Variants in NCAM2 observed in about 807,000 individuals in gnomAD.
The protein encoded by NCAM2 is neural cell adhesion molecule 2.
Under a neutral mutation model 98.1 loss-of-function variants are expected in NCAM2, and 30 were observed. That is an observed-to-expected ratio of 0.31 (90% CI 0.23 to 0.41). The LOEUF is 0.41. Among genes scored for constraint, NCAM2 ranks in the 10% least tolerant of loss-of-function variants. The pLI, the probability that NCAM2 is intolerant of heterozygous loss-of-function variation, is 1.00. For synonymous variants in NCAM2, 368 were observed against 342.4 expected (o/e 1.07, Z -0.83); for missense variants, 867 against 1,005.8 (o/e 0.86, Z 1.87).
chr21:21,415,630 C>G (rs1424276287), intron 10 of NCAM2, among the ~76,000 whole-genome samples: 1 of 152,134 alleles, frequency 6.6e-6, no homozygotes, highest in East Asian at 1.9e-4. Flanking sequence ...CCACCTCGCC[C>G]GGCCCTTAGC....
At chr21:21,500,785 G>A (rs376204838) in intron 15 of NCAM2, among the ~76,000 whole-genome samples, 7 of 152,020 alleles carry the variant, frequency 4.6e-5, no homozygotes, top group African/African-American at 1.7e-4. Flanking sequence ...AACATGTAAG[G>A]TCTTCCCTGT....
At chr21:21,463,994 A>C (rs1474817849) in intron 12 of NCAM2, among the ~76,000 whole-genome samples, 1 of 151,990 alleles carries the variant, frequency 6.6e-6, no homozygotes, top group Non-Finnish European at 1.5e-5. Context: ...ACAAAGATGA[A>C]GAAATCATAT....
intron 3 of NCAM2, 124 bp downstream of exon 3, chr21:21,284,524 T>G (rs1172230715): frequency 4.1e-6 from 3 of 739,114 alleles, no homozygotes; most frequent in East Asian, 5.4e-5. Context: ...ATCAGTTTAT[T>G]TATGCTTTAC....
At chr21:21,087,713 T>C (rs1309864303) in intron 1 of NCAM2, among the ~76,000 whole-genome samples, 3 of 152,096 alleles carry the variant, frequency 2.0e-5, no homozygotes, top group Non-Finnish European at 2.9e-5. Context: ...GAGGAAATGG[T>C]GGCTTATTGC....
At position 21,359,628 on chromosome 21, in the gene NCAM2, G is replaced by A. The variant is rs1022868452; in HGVS notation, c.1045-14235G>A. On this transcript the variant is annotated intron_variant, in intron 8 of 17. Transcript: ENST00000400546. ...TACAATTTTATGATAGTTGTTTGGG[G>A]GAAAATGTTATTTATATACTAAAAG... 7.3e-5 allele frequency among the ~76,000 whole-genome samples: 11 copies of A among 151,680 alleles called. No homozygotes were observed. In the East Asian group the frequency reaches 2.1e-3, roughly 29 times the overall value.
intron 1 of NCAM2, among the ~76,000 whole-genome samples, chr21:21,038,658 C>T (rs1249162832): frequency 3.3e-5 from 5 of 152,200 alleles, no homozygotes; most frequent in African/African-American, 1.2e-4. Context: ...AAGGCCTCCC[C>T]AGCCCTGCGG....
intron 1 of NCAM2, among the ~76,000 whole-genome samples, chr21:21,127,917 A>G (rs1205297957): frequency 6.6e-6 from 1 of 152,170 alleles, no homozygotes; most frequent in African/African-American, 2.4e-5. Flanking sequence ...ATAACACACA[A>G]TTATATTAAC....
intron 15 of NCAM2, among the ~76,000 whole-genome samples, chr21:21,479,052 G>A (rs2146267392): frequency 6.6e-6 from 1 of 152,136 alleles, no homozygotes; most frequent in African/African-American, 2.4e-5. Flanking sequence ...TACTGAGCCA[G>A]AGCCTCCTCC....
chr21:21,069,424 G>C (rs1044559439), intron 1 of NCAM2, among the ~76,000 whole-genome samples: 1 of 152,146 alleles, frequency 6.6e-6, no homozygotes, highest in East Asian at 1.9e-4. Flanking sequence ...TATTTTCCCA[G>C]AGTAGTAATT....
intron 11 of NCAM2, among the ~76,000 whole-genome samples, chr21:21,424,250 G>T (rs990327792): frequency 2.0e-5 from 3 of 152,174 alleles, no homozygotes; most frequent in Admixed American, 6.5e-5. Context: ...TATTTTCAGA[G>T]AATCCATGTT....
chr21:21,108,413 A>G (rs1018306757), intron 1 of NCAM2, among the ~76,000 whole-genome samples: 2 of 152,108 alleles, frequency 1.3e-5, no homozygotes, highest in Non-Finnish European at 2.9e-5. Context: ...TCAATTTTGA[A>G]GCTGTACTGA....
chr21:21,241,826 G>A (rs967502653), intron 1 of NCAM2, among the ~76,000 whole-genome samples: 3 of 152,068 alleles, frequency 2.0e-5, no homozygotes, highest in African/African-American at 7.2e-5. Flanking sequence ...AAATTTGATG[G>A]TGAGTGTTCA....
Position 21,039,243 on chromosome 21 carries a change from T to A in NCAM2, c.55+40625T>A, listed in dbSNP as rs542635530. 1.2e-4 allele frequency among the ~76,000 whole-genome samples: 18 copies of A among 152,290 alleles called. No homozygotes were observed. The East Asian group carries it at 3.5e-3, about 29-fold the overall frequency. Reference sequence around the variant, plus strand: ...GTACCTATCATTCTATGGTCTACCTTCATGAGATCAAGTTTTTAATCTTTC... The same window carrying A: ...GTACCTATCATTCTATGGTCTACCTACATGAGATCAAGTTTTTAATCTTTC... On this transcript the variant is annotated intron_variant, in intron 1 of 17. Transcript: ENST00000400546.
intron 1 of NCAM2, among the ~76,000 whole-genome samples, chr21:21,213,728 A>G (rs531266501): frequency 2.0e-5 from 3 of 152,340 alleles, no homozygotes; most frequent in African/African-American, 7.2e-5. Context: ...TTATATTAAC[A>G]TATGGATATA....
chr21:21,087,691 C>T (rs566527901), intron 1 of NCAM2, among the ~76,000 whole-genome samples: 14 of 152,232 alleles, frequency 9.2e-5, no homozygotes, highest in African/African-American at 2.9e-4. Context: ...CAGGAATGGG[C>T]ATGCAAGGAG....
intron 5 of NCAM2, among the ~76,000 whole-genome samples, chr21:21,313,073 CTT>C: frequency 6.6e-6 from 1 of 151,798 alleles, no homozygotes; most frequent in Non-Finnish European, 1.5e-5. Context: ...GCTGATATCT[CTT>C]CTTTCAATCC....
chr21:21,445,186 T>C (rs2146099105), intron 12 of NCAM2, among the ~76,000 whole-genome samples: 1 of 152,302 alleles, frequency 6.6e-6, no homozygotes, highest in Non-Finnish European at 1.5e-5. Flanking sequence ...GATTGCACTG[T>C]GGCCTGAGAG....
intron 9 of NCAM2, among the ~76,000 whole-genome samples, chr21:21,398,391 T>A (rs915305935): frequency 5.9e-5 from 9 of 152,024 alleles, no homozygotes; most frequent in Non-Finnish European, 4.4e-5. Flanking sequence ...AAACACCACC[T>A]GTTCCCCAAA....
chr21:21,405,316 T>C (rs1027268689), intron 9 of NCAM2, among the ~76,000 whole-genome samples: 7 of 152,094 alleles, frequency 4.6e-5, no homozygotes, highest in Non-Finnish European at 1.0e-4. Flanking sequence ...TTAACAATGA[T>C]GGGAGCATTG....
Sources: allele counts gnomAD v4.1 joint callset (sites outside exome capture counted in the v4.1 genomes callset), GRCh38; gene constraint gnomAD v4.1.1; transcripts MANE v1.5; gene names NCBI Gene and HGNC (gene_info 2026-07-23, HGNC 2026-07-21).